PAIP2B: variants seen among roughly 807,000 people sequenced by gnomAD.
PAIP2B encodes the protein poly(A) binding protein interacting protein 2B.
In PAIP2B, 13 loss-of-function variants were observed where a neutral mutation model predicts 17.0. That is an observed-to-expected ratio of 0.76 (90% CI 0.50 to 1.22). The LOEUF is 1.22. PAIP2B is among the 50% of genes most tolerant of loss of function. The probability of loss-of-function intolerance (pLI) is 0.00; values close to 1 mark genes in which losing one functional copy is unlikely to be tolerated. For missense variants in PAIP2B, 117 were observed against 144.5 expected (o/e 0.81, Z 0.98); for synonymous variants, 43 against 48.7 (o/e 0.88, Z 0.48).
At chr2:71,211,072 C>G (rs1265592392) in intron 1 of PAIP2B, among the ~76,000 whole-genome samples, 1 of 152,094 alleles carries the variant, frequency 6.6e-6, no homozygotes, top group Non-Finnish European at 1.5e-5. Context: ...CATGGTGAAA[C>G]CCCGTCTCTA....
chr2:71,211,810 G>A (rs1038616926), intron 1 of PAIP2B, among the ~76,000 whole-genome samples: 4 of 152,110 alleles, frequency 2.6e-5, no homozygotes, highest in Admixed American at 6.5e-5. Context: ...TACTGGAAAC[G>A]TACAGAACAG....
Position 71,188,428 on chromosome 2 carries a change from T to G in PAIP2B, c.*51A>C, listed in dbSNP as rs1334058464. On this transcript the variant is annotated 3_prime_UTR_variant, in exon 4 of 4. Transcript: ENST00000244221. ...TCTTCAGCTCCACCATTTTGTGCAT[T>G]ACTATCCCCAGATGTGGGGACAGAC... is the stretch of plus-strand genomic sequence containing the variant. 6.6e-7 allele frequency: 1 copy of G among 1,512,914 alleles called. No homozygotes were observed. Among genetic ancestry groups the G allele is most frequent in the Non-Finnish European group, 9.1e-7 (1 of 1,101,200 alleles). 93.7% of individuals were successfully genotyped at this position (1,512,914 alleles called of 1,614,324 possible).
rs1674477096 is a variant in PAIP2B, at chr2:71,184,350, A to G, written c.*4129T>C. On this transcript the variant is annotated 3_prime_UTR_variant, in exon 4 of 4. Coordinates refer to ENST00000244221, the MANE Select transcript of PAIP2B (RefSeq NM_020459.1). ...ATCTCCTGCCTGACACCTTGTAGAG[A>G]TTAGTGTATCCAGCTATTCTATTGC... The G allele has an allele frequency of 6.6e-6, 1 of 152,054 alleles. No individual in the cohort carries two copies. The highest frequency in any genetic ancestry group is 2.4e-5 in the African/African-American group (1 of 41,384). 9.4% of individuals were successfully genotyped at this position (152,054 alleles called of 1,614,324 possible). A position where few individuals can be genotyped will look rare whatever the true frequency, so the allele number is the denominator to read the frequency against.
At position 71,187,767 on chromosome 2, in the gene PAIP2B, G is replaced by A. The variant is rs925240782; in HGVS notation, c.*712C>T. ...TATAAATGGTGAGTCTGATGGTGGT[G>A]GTGAACACAGGCTTATGAACAGGAC... On this transcript the variant is annotated 3_prime_UTR_variant, in exon 4 of 4. Transcript: ENST00000244221. 2.6e-5 allele frequency: 4 copies of A among 152,186 alleles called. No individual in the cohort carries two copies. Among genetic ancestry groups the A allele is most frequent in the Non-Finnish European group, 4.4e-5 (3 of 68,062 alleles). The allele number at this position is 152,186 out of a possible 1,614,324, so 9.4% of individuals were successfully genotyped here.
chr2:71,216,233 A>C (rs1403965992), intron 1 of PAIP2B, among the ~76,000 whole-genome samples: 2 of 152,220 alleles, frequency 1.3e-5, no homozygotes, highest in African/African-American at 4.8e-5. Context: ...TAAAAAATAC[A>C]AGGCCCTTCT....
chr2:71,204,240 T>C (rs757104940), intron 1 of PAIP2B, among the ~76,000 whole-genome samples: 2 of 152,292 alleles, frequency 1.3e-5, no homozygotes, highest in East Asian at 3.9e-4. Flanking sequence ...CTCTTCAACC[T>C]TGACTCCATC....
rs969625881 is a variant in PAIP2B at position 71,185,820 on chromosome 2, G to C, written c.*2659C>G. 3.8e-5 allele frequency: 5 copies of C among 131,328 alleles called. No homozygotes were observed. The allele number at this position is 131,328 out of a possible 1,614,324, so 8.1% of individuals were successfully genotyped here. A position where few individuals can be genotyped will look rare whatever the true frequency, so the allele number is the denominator to read the frequency against. ...GAGAAACTGAAAATGCATTCATTTG[G>C]GTTTTTTCCCTTGAAAAGAAAGAGA... is the stretch of plus-strand genomic sequence containing the variant. On this transcript the variant is annotated 3_prime_UTR_variant, in exon 4 of 4. Coordinates refer to ENST00000244221, the MANE Select transcript of PAIP2B (RefSeq NM_020459.1).
intron 1 of PAIP2B, among the ~76,000 whole-genome samples, chr2:71,222,702 T>C (rs562102636): frequency 1.3e-5 from 2 of 152,262 alleles, no homozygotes; most frequent in Admixed American, 1.3e-4. Flanking sequence ...TATACCACTT[T>C]TGGAATTAGG....
At position 71,187,883 on chromosome 2, in the gene PAIP2B, C is replaced by T. The variant is rs1209195616; in HGVS notation, c.*596G>A. The stretch of plus-strand genomic sequence containing the variant: ...AACAATCATCAAAAGTTACTGTAAA[C>T]TAAGTACTTTAAGTCTGTGTTTTCT... On this transcript the variant is annotated 3_prime_UTR_variant, in exon 4 of 4. Coordinates refer to ENST00000244221, the MANE Select transcript of PAIP2B (RefSeq NM_020459.1). 1 of 153,268 alleles carries T rather than the reference C, an allele frequency of 6.5e-6. No individual in the cohort carries two copies. The highest frequency in any genetic ancestry group is 6.5e-5 in the Admixed American group (1 of 15,412). 9.5% of individuals were successfully genotyped at this position (153,268 alleles called of 1,614,324 possible).
chr2:71,223,272 G>T (rs558555888), intron 1 of PAIP2B, among the ~76,000 whole-genome samples: 16 of 152,048 alleles, frequency 1.1e-4, no homozygotes, highest in Non-Finnish European at 2.1e-4. Context: ...AATTCGTTGG[G>T]TGTGGTGGTG....
chr2:71,195,714 C>G (rs1465740097), intron 2 of PAIP2B, among the ~76,000 whole-genome samples: 2 of 152,200 alleles, frequency 1.3e-5, no homozygotes, highest in African/African-American at 4.8e-5. Context: ...TCTCAGCTCC[C>G]TGCAACATCT....
chr2:71,188,415 C>T lies in PAIP2B; in HGVS notation c.*64G>A. On this transcript the variant is annotated 3_prime_UTR_variant, in exon 4 of 4. Coordinates refer to ENST00000244221, the MANE Select transcript of PAIP2B (RefSeq NM_020459.1). Reference sequence around the variant, plus strand: ...CGCCCCATCCCCCTCTTCAGCTCCACCATTTTGTGCATTACTATCCCCAGA... The same window carrying T: ...CGCCCCATCCCCCTCTTCAGCTCCATCATTTTGTGCATTACTATCCCCAGA... The T allele has an allele frequency of 2.1e-6, 3 of 1,439,980 alleles. No homozygotes were observed. Among genetic ancestry groups the T allele is most frequent in the South Asian group, 1.2e-5 (1 of 82,056 alleles). 89.2% of individuals were successfully genotyped at this position (1,439,980 alleles called of 1,614,324 possible). A position where few individuals can be genotyped will look rare whatever the true frequency, so the allele number is the denominator to read the frequency against.
chr2:71,203,839 A>G (rs1012965620), intron 1 of PAIP2B, among the ~76,000 whole-genome samples: 5 of 151,854 alleles, frequency 3.3e-5, no homozygotes, highest in Non-Finnish European at 5.9e-5. Flanking sequence ...TAGCTCATAT[A>G]TATGTTTCTG....
chr2:71,204,550 G>T (rs964289961), intron 1 of PAIP2B, among the ~76,000 whole-genome samples: 3 of 152,088 alleles, frequency 2.0e-5, no homozygotes, highest in African/African-American at 4.8e-5. Flanking sequence ...AGTTCTAAAA[G>T]AATTCATTTA....
intron 1 of PAIP2B, among the ~76,000 whole-genome samples, chr2:71,214,536 C>T (rs899283525): frequency 1.3e-5 from 2 of 152,156 alleles, no homozygotes; most frequent in African/African-American, 4.8e-5. Context: ...GGTCTACAAT[C>T]CATTATGTAC....
At chr2:71,215,260 C>T (rs1014505742) in intron 1 of PAIP2B, among the ~76,000 whole-genome samples, 5 of 151,898 alleles carry the variant, frequency 3.3e-5, no homozygotes, top group South Asian at 2.1e-4. Context: ...ATCGTGCCAC[C>T]GTACTCCAGC....
chr2:71,208,250 C>A (rs1346939457), intron 1 of PAIP2B, among the ~76,000 whole-genome samples: 2 of 152,010 alleles, frequency 1.3e-5, no homozygotes, highest in East Asian at 3.9e-4. Context: ...ATGGTGAAAC[C>A]CCATCCCTAC....
intron 1 of PAIP2B, among the ~76,000 whole-genome samples, chr2:71,203,739 ATAATT>A (rs1165785989): frequency 1.3e-5 from 2 of 151,554 alleles, no homozygotes; most frequent in Non-Finnish European, 2.9e-5. Flanking sequence ...TTTTTATAAA[ATAATT>A]TAAATGAAAG....
chr2:71,215,323 TC>T (rs1250379529), intron 1 of PAIP2B, among the ~76,000 whole-genome samples: 2 of 151,202 alleles, frequency 1.3e-5, no homozygotes, highest in African/African-American at 4.9e-5. Flanking sequence ...AAATGCAGAC[TC>T]CCCCCAGCCT....
Sources: gnomAD v4.1 joint callset for allele counts (sites outside exome capture counted in the v4.1 genomes callset) on GRCh38, gnomAD v4.1.1 for gene constraint, MANE v1.5 for transcripts, NCBI Gene and HGNC (gene_info 2026-07-23, HGNC 2026-07-21) for gene names.